The following PGF variants were observed in gnomAD, a reference collection of about 807,000 sequenced individuals.
PGF encodes placental growth factor.
A neutral mutation model predicts 25.3 loss-of-function variants in PGF; 11 were observed. That is an observed-to-expected ratio of 0.43 (90% CI 0.27 to 0.72). The LOEUF is 0.72. Among genes scored for constraint, PGF ranks in the 30% least tolerant of loss-of-function variants. The probability of loss-of-function intolerance (pLI) is 0.18; values close to 1 mark genes in which losing one functional copy is unlikely to be tolerated. For synonymous variants in PGF, 105 were observed against 97.9 expected (o/e 1.07, Z -0.43); for missense variants, 230 against 234.9 (o/e 0.98, Z 0.14).
At chr14:74,947,254 A>G (rs1048364843) in intron 4 of PGF, 3 of 255,936 alleles carry the variant, frequency 1.2e-5, no homozygotes, top group Non-Finnish European at 2.2e-5. Context: ...GGGATGGAGA[A>G]GGTGACTCTG....
chr14:74,944,316 A>T (rs565569281), intron 6 of PGF, among the ~76,000 whole-genome samples: 1 of 151,742 alleles, frequency 6.6e-6, no homozygotes, highest in African/African-American at 2.4e-5. Context: ...GTTAGCCAGG[A>T]TGGTCTCGAT....
At position 74,942,484 on chromosome 14, in the gene PGF, A is replaced by G; in HGVS notation, c.*222T>C. The G allele has an allele frequency of 1.7e-6, 1 of 571,574 alleles. No individual in the cohort carries two copies. Among genetic ancestry groups the G allele is most frequent in the South Asian group, 2.0e-5 (1 of 49,908 alleles). The allele number at this position is 571,574 out of a possible 1,614,324, so 35.4% of individuals were successfully genotyped here. A position where few individuals can be genotyped will look rare whatever the true frequency, so the allele number is the denominator to read the frequency against. ...TGCTTCTTTCAAAGCGGAAGCTCCC[A>G]GGGGTCTGTGGCTGGCTTCTCTCTT... On this transcript the variant is annotated 3_prime_UTR_variant, in exon 7 of 7. Coordinates refer to ENST00000555567, the MANE Select transcript of PGF (RefSeq NM_002632.6).
intron 6 of PGF, chr14:74,945,106 A>C (rs188873352): frequency 3.3e-5 from 5 of 152,064 alleles, no homozygotes; most frequent in Admixed American, 1.3e-4. Flanking sequence ...TTTTTAGTAG[A>C]GATGTGGTTT....
rs1411667492 is a variant in PGF, at chr14:74,950,553, CGG to C, written c.119-1002_119-1001del. ...AATCCCTCAAAAGATGCTGCTCTTT[CGG>C]GGGAAGGCCTAGGACCAGGCCCCAA... On this transcript the variant is annotated intron_variant, in intron 2 of 6. Transcript: ENST00000555567. This position sits in a 1 kb window ranked among gnomAD's most constrained non-coding sequence, Gnocchi z 4.1. 6.6e-6 allele frequency among the ~76,000 whole-genome samples: 1 copy of C among 152,146 alleles called. No homozygotes were observed. Among genetic ancestry groups the C allele is most frequent in the East Asian group, 1.9e-4 (1 of 5,190 alleles).
In PGF at chr14:74,948,515, G is replaced by A. The variant is rs756705737; in HGVS notation, c.384C>T (p.Cys128=). 37 of 1,590,262 alleles carry A rather than the reference G, an allele frequency of 2.3e-5. No homozygotes were observed. The highest frequency in any genetic ancestry group is 1.6e-4 in the African/African-American group (12 of 74,490). ...VELTFSQHVR[C]ECRPLREKMK... ...CGACCCCGGAGACCTACCGGCATTC[G>A]CAGCGAACGTGCTGAGAGAACGTCA... is the stretch of plus-strand genomic sequence containing the variant. Residue 128 remains cysteine, a synonymous_variant, in exon 4 of 7, where the codon TGC becomes TGT. Transcript: ENST00000555567.
chr14:74,955,410 G>A lies in PGF; in HGVS notation c.-168C>T. 1 of 414,272 alleles carries A rather than the reference G, an allele frequency of 2.4e-6. No individual in the cohort carries two copies. Among genetic ancestry groups the A allele is most frequent in the Non-Finnish European group, 4.3e-6 (1 of 232,088 alleles). 25.7% of individuals were successfully genotyped at this position (414,272 alleles called of 1,614,324 possible). ...TCGAGCATCTTCTGGAAGCCTTGCGGAGTCAGGAGCCCGTAGGTAAGGCTG... is the reference window on the plus strand; with the variant it reads ...TCGAGCATCTTCTGGAAGCCTTGCGAAGTCAGGAGCCCGTAGGTAAGGCTG... On this transcript the variant is annotated 5_prime_UTR_variant, in exon 1 of 7. Coordinates refer to ENST00000555567, the MANE Select transcript of PGF (RefSeq NM_002632.6). The surrounding 1 kb of genome is among the most constrained non-coding windows in gnomAD (Gnocchi z 4.1).
Position 74,949,480 on chromosome 14 carries a change from C to T in PGF, c.192G>A (p.Glu64=). ...ALERLVDVVS[E]YPSEVEHMFS... The stretch of plus-strand genomic sequence containing the variant: ...ACATGTGCTCCACCTCGCTGGGGTA[C>T]TCGGACACGACGTCCACCAGCCTCT... Residue 64 remains glutamate (E), a synonymous_variant, in exon 3 of 7, where the codon GAG becomes GAA. Transcript: ENST00000555567. The T allele has an allele frequency of 3.1e-6, 5 of 1,611,734 alleles. No homozygotes were observed. The highest frequency in any genetic ancestry group is 4.2e-6 in the Non-Finnish European group (5 of 1,179,266).
Position 74,950,134 on chromosome 14 carries a change from G to A in PGF, c.119-581C>T, listed in dbSNP as rs1227053132. 1.3e-5 allele frequency among the ~76,000 whole-genome samples: 2 copies of A among 152,098 alleles called. No homozygotes were observed. The highest frequency in any genetic ancestry group is 2.4e-5 in the African/African-American group (1 of 41,398). Reference sequence around the variant, plus strand: ...CACGGCAGCACCACATTCACTCCCAGCTCTGGCTTGTGCACTCTGCAGCCC... The same window carrying A: ...CACGGCAGCACCACATTCACTCCCAACTCTGGCTTGTGCACTCTGCAGCCC... On this transcript the variant is annotated intron_variant, in intron 2 of 6. Coordinates refer to ENST00000555567, the MANE Select transcript of PGF (RefSeq NM_002632.6). This position sits in a 1 kb window ranked among gnomAD's most constrained non-coding sequence, Gnocchi z 4.1.
intron 6 of PGF, 129 bp from the exon 7 acceptor site, chr14:74,942,862 CT>C: frequency 1.4e-6 from 1 of 740,674 alleles, no homozygotes; most frequent in Non-Finnish European, 2.1e-6. Context: ...CGCAGTGCTC[CT>C]GGGTCCCTGC....
At position 74,951,570 on chromosome 14, in the gene PGF, G is replaced by C. The variant is rs1238105701; in HGVS notation, c.119-2017C>G. On this transcript the variant is annotated intron_variant, in intron 2 of 6. Transcript: ENST00000555567. ...AGCGAGGGGACAGCAGCAGAGAAGG[G>C]GCACCCCAGCCCCCTCCATCCTGCA... Among the ~76,000 whole-genome samples, 5 of 152,352 alleles carry C rather than the reference G, an allele frequency of 3.3e-5. No individual in the cohort carries two copies. In the East Asian group the frequency reaches 9.6e-4, roughly 29 times the overall value.
rs1329922790 is a variant in PGF at position 74,953,420 on chromosome 14, C to T, written c.118+484G>A. On this transcript the variant is annotated intron_variant, in intron 2 of 6. Transcript: ENST00000555567. The surrounding 1 kb of genome is among the most constrained non-coding windows in gnomAD (Gnocchi z 5.4). ...GGGAGTGGAGGGGCCAGGGAGGGCG[C>T]GACTATGTTCTGTCTGTTTATAATC... Among the ~76,000 whole-genome samples, 1 of 152,152 alleles carries T rather than the reference C, an allele frequency of 6.6e-6. No individual in the cohort carries two copies. The highest frequency in any genetic ancestry group is 1.5e-5 in the Non-Finnish European group (1 of 68,016).
chr14:74,952,360 C>T (rs750962681), intron 2 of PGF, among the ~76,000 whole-genome samples: 3 of 152,234 alleles, frequency 2.0e-5, no homozygotes, highest in Non-Finnish European at 4.4e-5. Flanking sequence ...CATGCCCGCT[C>T]AGCCACGGAG....
chr14:74,948,424 C>T (rs1417285706), intron 4 of PGF, 83 bp downstream of exon 4: 2 of 801,894 alleles, frequency 2.5e-6, no homozygotes, highest in African/African-American at 3.5e-5. Context: ...CAGCCTTTGC[C>T]TCTGCCCTGG....
intron 3 of PGF, 118 bp from the exon 4 acceptor site, chr14:74,948,701 G>GGACTACAGGAGT (rs1888801569): frequency 1.7e-6 from 1 of 593,674 alleles, no homozygotes; most frequent in African/African-American, 1.9e-5. Flanking sequence ...GTGGACTACA[G>GGACTACAGGAGT]GCCCTCACTC....
Position 74,946,496 on chromosome 14 carries a change from A to T in PGF, c.393-88T>A, listed in dbSNP as rs756950698. 7.3e-4 allele frequency: 960 copies of T among 1,321,138 alleles called. 2 individuals carry two copies. Among genetic ancestry groups the T allele is most frequent in the Non-Finnish European group, 9.4e-4 (891 of 948,042 alleles). The allele number at this position is 1,321,138 out of a possible 1,614,324, so 81.8% of individuals were successfully genotyped here. A position where few individuals can be genotyped will look rare whatever the true frequency, so the allele number is the denominator to read the frequency against. On this transcript the variant is annotated intron_variant, in intron 4 of 6. Coordinates refer to ENST00000555567, the MANE Select transcript of PGF (RefSeq NM_002632.6). ...GCCGCCCGGACAGGTCCCCTCCGACATCCCCAGTCCTGGTCCTGCAGCTGA... is the reference window on the plus strand; with the variant it reads ...GCCGCCCGGACAGGTCCCCTCCGACTTCCCCAGTCCTGGTCCTGCAGCTGA...
intron 6 of PGF, chr14:74,945,479 C>T (rs1343868557): frequency 6.6e-6 from 1 of 152,304 alleles, no homozygotes; most frequent in Non-Finnish European, 1.5e-5. Context: ...GGGTCAACTC[C>T]ACTCCATAGC....
rs61757894 is a variant in PGF, at chr14:74,950,411, C to T, written c.119-858G>A. Among the ~76,000 whole-genome samples, 76 of 152,332 alleles carry T rather than the reference C, an allele frequency of 5.0e-4. No homozygotes were observed. The highest frequency in any genetic ancestry group is 1.7e-3 in the African/African-American group (70 of 41,578). On this transcript the variant is annotated intron_variant, in intron 2 of 6. Transcript: ENST00000555567. This position sits in a 1 kb window ranked among gnomAD's most constrained non-coding sequence, Gnocchi z 4.1. ...GGGCAGAGATGGACGTACCCGTAAA[C>T]ACAGGCTAAGTCACTCCTGGTTGAT...
intron 4 of PGF, chr14:74,946,700 T>A: frequency 1.5e-6 from 1 of 685,408 alleles, no homozygotes; most frequent in South Asian, 1.5e-5. Flanking sequence ...TTTGGTTGTT[T>A]CTGTCTGTTC....
intron 2 of PGF, among the ~76,000 whole-genome samples, chr14:74,951,972 C>A (rs61757885): frequency 1.3e-5 from 2 of 152,284 alleles, no homozygotes; most frequent in East Asian, 1.9e-4. Context: ...CAGCTGTCCC[C>A]GAGAGCACTT....
Sources: allele counts gnomAD v4.1 joint callset (sites outside exome capture counted in the v4.1 genomes callset), GRCh38; gene constraint gnomAD v4.1.1; non-coding constraint Gnocchi (gnomAD v3.1); transcripts MANE v1.5; gene names NCBI Gene and HGNC (gene_info 2026-07-23, HGNC 2026-07-21).